Variants in CA10 observed in about 807,000 individuals in gnomAD.
CA10 encodes carbonic anhydrase-related protein 10.
Under a neutral mutation model 44.2 loss-of-function variants are expected in CA10, and 14 were observed. The observed-to-expected ratio is 0.32, with a 90% CI of 0.21 to 0.50. CA10 has a LOEUF of 0.50. CA10 is among the 20% of genes least tolerant of loss of function. The pLI is 0.99. For missense variants in CA10, 350 were observed against 409.7 expected, an observed-to-expected ratio of 0.85 and a Z score of 1.26; for synonymous variants, 159 against 141.6, an observed-to-expected ratio of 1.12 and a Z score of -0.87.
chr17:51,761,493 A>G (rs1905216230), intron 3 of CA10: 2 of 152,194 alleles, frequency 1.3e-5, no homozygotes, highest in Non-Finnish European at 2.9e-5. Context: ...TGAAAAGATA[A>G]ATGACATAAA....
intron 3 of CA10, among the ~76,000 whole-genome samples, chr17:51,753,720 C>A (rs2143619587): frequency 6.6e-6 from 1 of 152,294 alleles, no homozygotes; most frequent in Non-Finnish European, 1.5e-5. Context: ...ACCTGTCTTA[C>A]CTGGTTTCTA....
At chr17:51,777,361 T>A (rs1905863694) in intron 3 of CA10, among the ~76,000 whole-genome samples, 1 of 152,198 alleles carries the variant, frequency 6.6e-6, no homozygotes, top group Admixed American at 6.5e-5. Context: ...GTATTTCACT[T>A]GTACACAGAT....
chr17:51,730,685 A>T (rs1364556345), intron 4 of CA10, among the ~76,000 whole-genome samples: 1 of 152,218 alleles, frequency 6.6e-6, no homozygotes, highest in Non-Finnish European at 1.5e-5. Context: ...CTAAACTTTT[A>T]ATTAAAATGA....
chr17:51,678,244 T>C (rs909439420), intron 4 of CA10, among the ~76,000 whole-genome samples: 1 of 152,146 alleles, frequency 6.6e-6, no homozygotes, highest in Non-Finnish European at 1.5e-5. Flanking sequence ...TAATAGATAA[T>C]GGGGTTTCCT....
chr17:51,921,444 A>G (rs1886094736), intron 3 of CA10, among the ~76,000 whole-genome samples: 1 of 152,218 alleles, frequency 6.6e-6, no homozygotes, highest in Non-Finnish European at 1.5e-5. Context: ...TACATTTAAA[A>G]TCAGCTGTAA....
intron 3 of CA10, among the ~76,000 whole-genome samples, chr17:51,850,421 G>A (rs1418176346): frequency 6.6e-6 from 1 of 152,170 alleles, no homozygotes; most frequent in East Asian, 1.9e-4. Context: ...GCAAAGGCAG[G>A]TCTGTCTGCA....
intron 2 of CA10, among the ~76,000 whole-genome samples, chr17:52,009,080 T>C (rs1985699160): frequency 6.6e-6 from 1 of 151,982 alleles, no homozygotes; most frequent in East Asian, 1.9e-4. Context: ...GATATGAACA[T>C]AGCCCTTAAA....
chr17:52,126,672 G>T lies in CA10; in HGVS notation c.61+31054C>A, dbSNP rs370408568. Among the ~76,000 whole-genome samples the T allele has an allele frequency of 3.2e-4, 48 of 152,158 alleles. No individual in the cohort carries two copies. The East Asian group carries it at 4.6e-3, about 15-fold the overall frequency. ...GCAGGACTGTCCATCTCACATAAAT[G>T]TTATTTATATTTCTATGTAGCTCGT... On this transcript the variant is annotated intron_variant, in intron 1 of 8. Transcript: ENST00000451037.
At chr17:51,972,051 G>C (rs1306172135) in intron 2 of CA10, among the ~76,000 whole-genome samples, 2 of 151,818 alleles carry the variant, frequency 1.3e-5, no homozygotes, top group Non-Finnish European at 2.9e-5. Context: ...CTCGGAGGAA[G>C]AAAAAGATAT....
chr17:52,013,377 T>G (rs984567441), intron 2 of CA10, among the ~76,000 whole-genome samples: 1 of 151,434 alleles, frequency 6.6e-6, no homozygotes, highest in Non-Finnish European at 1.5e-5. Flanking sequence ...AGACCTCCTA[T>G]GGGAAAAAGA....
intron 2 of CA10, among the ~76,000 whole-genome samples, 173 bp downstream of exon 2, chr17:52,072,146 G>GA (rs964315905): frequency 3.3e-5 from 5 of 151,812 alleles, no homozygotes; most frequent in African/African-American, 9.7e-5. Context: ...GGCTCAGATG[G>GA]AAAAAAAAGT....
At chr17:51,665,043 A>G (rs1331660327) in intron 4 of CA10, among the ~76,000 whole-genome samples, 4 of 152,144 alleles carry the variant, frequency 2.6e-5, no homozygotes, top group African/African-American at 9.7e-5. Flanking sequence ...AATTCAGAAG[A>G]GTCACTTTAG....
intron 3 of CA10, among the ~76,000 whole-genome samples, chr17:51,809,334 T>C (rs1390291413): frequency 1.3e-5 from 2 of 152,204 alleles, no homozygotes; most frequent in African/African-American, 2.4e-5. Context: ...GTTACAAAGA[T>C]AAGTAACATA....
intron 3 of CA10, among the ~76,000 whole-genome samples, chr17:51,889,487 G>T (rs1364030401): frequency 6.6e-6 from 1 of 152,166 alleles, no homozygotes. Context: ...TTGCGCCACT[G>T]TGCTCCAGCC....
At chr17:51,702,105 C>G (rs537027201) in intron 4 of CA10, among the ~76,000 whole-genome samples, 1 of 145,134 alleles carries the variant, frequency 6.9e-6, no homozygotes, top group East Asian at 1.9e-4. Flanking sequence ...AGAAGGGATC[C>G]TAAAAATCAT....
At chr17:51,679,092 G>A (rs564938243) in intron 4 of CA10, among the ~76,000 whole-genome samples, 40 of 152,090 alleles carry the variant, frequency 2.6e-4, no homozygotes, top group Non-Finnish European at 4.1e-4. Flanking sequence ...GGTGGGGGTG[G>A]GGGACATGGA....
intron 3 of CA10, among the ~76,000 whole-genome samples, chr17:51,751,505 T>G (rs1306672207): frequency 1.3e-5 from 2 of 152,234 alleles, no homozygotes; most frequent in African/African-American, 4.8e-5. Context: ...ATATATGTGA[T>G]GGTCACACGT....
At chr17:51,777,611 G>A (rs551134064) in intron 3 of CA10, among the ~76,000 whole-genome samples, 8 of 152,250 alleles carry the variant, frequency 5.3e-5, no homozygotes, top group African/African-American at 1.9e-4. Flanking sequence ...ATAGCTCCCA[G>A]GCTGGGCACA....
chr17:52,149,684 C>CT (rs981695217), intron 1 of CA10, among the ~76,000 whole-genome samples: 3 of 152,038 alleles, frequency 2.0e-5, no homozygotes, highest in African/African-American at 4.8e-5. Flanking sequence ...AGGGTCCTGG[C>CT]TTTTTTTTCC....
Sources: allele counts gnomAD v4.1 joint callset (sites outside exome capture counted in the v4.1 genomes callset), GRCh38; gene constraint gnomAD v4.1.1; transcripts MANE v1.5; gene names NCBI Gene and HGNC (gene_info 2026-07-23, HGNC 2026-07-21).